Variants in WWP2 observed in about 807,000 individuals in gnomAD.
WWP2 encodes WW domain containing E3 ubiquitin protein ligase 2.
In WWP2, 57 loss-of-function variants were observed where a neutral mutation model predicts 121.0. The observed-to-expected ratio is 0.47, with a 90% CI of 0.38 to 0.59. The LOEUF (loss-of-function observed/expected upper bound fraction) is 0.59. WWP2 is among the 20% of genes least tolerant of loss of function. The pLI is 0.00. For synonymous variants in WWP2, 449 were observed against 441.3 expected (o/e 1.02, Z -0.22); for missense variants, 962 against 1,158.9 (o/e 0.83, Z 2.47).
At chr16:69,908,683 G>T in intron 8 of WWP2, 78 bp from the exon 9 acceptor site, 1 of 1,565,744 alleles carries the variant, frequency 6.4e-7, no homozygotes, top group South Asian at 1.1e-5. Flanking sequence ...CCACATGAGT[G>T]ATGAAGGTCT....
rs1303654785 is a variant in WWP2 at position 69,936,305 on chromosome 16, C to T, written c.1977-7C>T. ...ACATCTCCCCACTTGGTCTCCTGTGCCCCCAGAGAGAACAACCTGGAAGAA... is the reference window on the plus strand; with the variant it reads ...ACATCTCCCCACTTGGTCTCCTGTGTCCCCAGAGAGAACAACCTGGAAGAA... On this transcript the variant is annotated splice_polypyrimidine_tract_variant and splice_region_variant and intron_variant, in intron 18 of 23. Coordinates refer to ENST00000359154, the MANE Select transcript of WWP2 (RefSeq NM_001270454.2). 1.2e-6 allele frequency: 2 copies of T among 1,614,020 alleles called. No individual in the cohort carries two copies. The highest frequency in any genetic ancestry group is 1.3e-5 in the African/African-American group (1 of 74,992).
At chr16:69,931,058 T>A in intron 13 of WWP2, 94 bp from the exon 14 acceptor site, 1 of 1,210,122 alleles carries the variant, frequency 8.3e-7, no homozygotes, top group Non-Finnish European at 1.2e-6. Context: ...ATCTTTAAAT[T>A]AACATAGCAC....
intron 1 of WWP2, among the ~76,000 whole-genome samples, chr16:69,764,645 T>G (rs1030042573): frequency 8.5e-5 from 13 of 152,200 alleles, no homozygotes; most frequent in East Asian, 3.8e-4. Context: ...TGGGAAAACA[T>G]TCTTTCATTC....
At chr16:69,798,955 G>A (rs2056106370) in intron 3 of WWP2, 126 bp downstream of exon 3, 1 of 1,439,286 alleles carries the variant, frequency 6.9e-7, no homozygotes, top group Non-Finnish European at 9.3e-7. Flanking sequence ...GGTACCCAAG[G>A]TGACTCTTTT....
chr16:69,863,933 T>C (rs1323763407), intron 6 of WWP2, among the ~76,000 whole-genome samples: 2 of 152,262 alleles, frequency 1.3e-5, no homozygotes, highest in Non-Finnish European at 2.9e-5. Context: ...ACTATGTGTA[T>C]GTACCACAGT....
At chr16:69,909,669 A>G (rs773773971) in intron 9 of WWP2, 5 of 985,346 alleles carry the variant, frequency 5.1e-6, no homozygotes, top group Non-Finnish European at 6.0e-6. Flanking sequence ...TTGAAGTCAA[A>G]TGAAGTTACC....
At chr16:69,911,477 G>A (rs1235135100) in intron 9 of WWP2, among the ~76,000 whole-genome samples, 2 of 152,200 alleles carry the variant, frequency 1.3e-5, no homozygotes, top group East Asian at 1.9e-4. Flanking sequence ...TGTGTTTGGG[G>A]AAGGATGCAT....
intron 4 of WWP2, among the ~76,000 whole-genome samples, chr16:69,822,821 GC>G (rs1029054178): frequency 6.6e-6 from 1 of 152,060 alleles, no homozygotes; most frequent in African/African-American, 2.4e-5. Context: ...TTTAGAATTT[GC>G]TACTAGCCAT....
intron 4 of WWP2, among the ~76,000 whole-genome samples, chr16:69,823,279 G>T (rs1404103417): frequency 6.6e-6 from 1 of 152,138 alleles, no homozygotes; most frequent in Admixed American, 6.5e-5. Flanking sequence ...GGCCTCAGGT[G>T]TGTCTTTCTG....
chr16:69,925,297 TC>T lies in WWP2; in HGVS notation c.1180-130del. On this transcript the variant is annotated intron_variant, in intron 10 of 23. Coordinates refer to ENST00000359154, the MANE Select transcript of WWP2 (RefSeq NM_001270454.2). This position sits in a 1 kb window ranked among gnomAD's most constrained non-coding sequence, Gnocchi z 4.0. ...TGAGAGGAGCAGATGCCACCTAAAG[TC>T]CCACTGCATTCCCTGCAAAGCGCTC... The T allele has an allele frequency of 8.7e-6, 13 of 1,492,888 alleles. No individual in the cohort carries two copies. In the South Asian group the frequency reaches 1.6e-4, roughly 18 times the overall value. The allele number at this position is 1,492,888 out of a possible 1,614,324, so 92.5% of individuals were successfully genotyped here.
chr16:69,885,740 G>T (rs1312555671), intron 7 of WWP2, among the ~76,000 whole-genome samples: 2 of 152,190 alleles, frequency 1.3e-5, no homozygotes, highest in Non-Finnish European at 2.9e-5. Context: ...GCCTCTTTGA[G>T]CTATAGTTTC....
intron 4 of WWP2, among the ~76,000 whole-genome samples, chr16:69,816,577 CATT>C (rs1269696491): frequency 1.3e-5 from 2 of 150,736 alleles, no homozygotes; most frequent in African/African-American, 2.4e-5. Flanking sequence ...AAATTAAAAA[CATT>C]ATTAGTATTT....
chr16:69,875,846 G>A (rs1053786245), intron 7 of WWP2, among the ~76,000 whole-genome samples: 3 of 152,106 alleles, frequency 2.0e-5, no homozygotes, highest in African/African-American at 4.8e-5. Context: ...CAGGGTTTGA[G>A]CTTCTTCCAA....
chr16:69,909,079 A>G, intron 9 of WWP2: 1 of 1,314,696 alleles, frequency 7.6e-7, no homozygotes, highest in Non-Finnish European at 9.7e-7. Flanking sequence ...GGAGGCCAAG[A>G]TTTAGAGTGT....
intron 4 of WWP2, among the ~76,000 whole-genome samples, chr16:69,800,707 G>A (rs1277100712): frequency 2.0e-5 from 3 of 151,296 alleles, no homozygotes; most frequent in African/African-American, 7.3e-5. Context: ...TGGGATTACA[G>A]GCATGTGCCA....
intron 10 of WWP2, among the ~76,000 whole-genome samples, chr16:69,919,698 T>C (rs772309780): frequency 1.6e-4 from 25 of 152,102 alleles, no homozygotes; most frequent in Non-Finnish European, 3.2e-4. Context: ...TCAGAGCACT[T>C]TAGATGCGAA....
Position 69,891,826 on chromosome 16 carries a change from C to G in WWP2, c.914+3577C>G, listed in dbSNP as rs141897494. On this transcript the variant is annotated intron_variant, in intron 8 of 23. Coordinates refer to ENST00000359154, the MANE Select transcript of WWP2 (RefSeq NM_001270454.2). ...TCCCATCCGGGCTAGAACCTGGTCC[C>G]CCTCCTGGGAATGGTGCCACCATTT... Among the ~76,000 whole-genome samples the G allele has an allele frequency of 5.1e-3, 774 of 152,314 alleles. 6 individuals carry two copies. The highest frequency in any genetic ancestry group is 0.018 in the African/African-American group (742 of 41,568).
At chr16:69,891,749 T>C (rs968190188) in intron 8 of WWP2, among the ~76,000 whole-genome samples, 1 of 152,204 alleles carries the variant, frequency 6.6e-6, no homozygotes, top group African/African-American at 2.4e-5. Context: ...ACTCACTACC[T>C]GGACAGTTCC....
chr16:69,880,508 CTG>C (rs1478789283), intron 7 of WWP2, among the ~76,000 whole-genome samples: 1 of 152,192 alleles, frequency 6.6e-6, no homozygotes, highest in Non-Finnish European at 1.5e-5. Context: ...TAAGTAGGAA[CTG>C]TGTTCATCTG....
Sources: allele counts gnomAD v4.1 joint callset (sites outside exome capture counted in the v4.1 genomes callset), GRCh38; gene constraint gnomAD v4.1.1; non-coding constraint Gnocchi (gnomAD v3.1); transcripts MANE v1.5; gene names NCBI Gene and HGNC (gene_info 2026-07-23, HGNC 2026-07-21).